Variants in PEPD observed in about 807,000 individuals in gnomAD.
PEPD encodes the protein peptidase D.
In PEPD, 53 loss-of-function variants were observed where a neutral mutation model predicts 60.7. That is an observed-to-expected ratio of 0.87 (90% confidence interval 0.70 to 1.10). PEPD has a LOEUF of 1.10. Among genes scored for constraint, PEPD ranks in the 50% least tolerant of loss-of-function variants. PEPD has a pLI of 0.00. For missense variants in PEPD, 711 were observed against 711.9 expected (o/e 1.00, Z 0.01); for synonymous variants, 267 against 284.1 (o/e 0.94, Z 0.60).
chr19:33,401,868 G>A lies in PEPD; in HGVS notation c.820C>T (p.Leu274=). 6.2e-7 allele frequency: 1 copy of A among 1,613,020 alleles called. No homozygotes were observed. The highest frequency in any genetic ancestry group is 8.5e-7 in the Non-Finnish European group (1 of 1,179,890). ...DRTIQNGDMC[L]FDMGGEYYCF... is the part of the protein sequence containing the mutation. ...TAATACTCACCGCCCATGTCGAACA[G>A]GCTGCGGAGAGAGGAAGGCAGGGCA... The change falls in exon 12 of 15, where the codon CTG becomes TTG. Residue 274 remains leucine, a splice_region_variant and synonymous_variant. Transcript: ENST00000244137.
chr19:33,519,969 A>C (rs1971100483), intron 1 of PEPD, among the ~76,000 whole-genome samples: 1 of 152,028 alleles, frequency 6.6e-6, no homozygotes, highest in African/African-American at 2.4e-5. Context: ...CAGGAGGCTG[A>C]GGCAGAAGAC....
chr19:33,400,972 G>A (rs1968474426), intron 12 of PEPD, among the ~76,000 whole-genome samples: 2 of 152,172 alleles, frequency 1.3e-5, no homozygotes, highest in Non-Finnish European at 2.9e-5. Context: ...GCCTTGTTGG[G>A]AGGATGCTGG....
intron 9 of PEPD, among the ~76,000 whole-genome samples, chr19:33,454,944 AAACT>A (rs1969769415): frequency 3.3e-5 from 5 of 152,222 alleles, no homozygotes; most frequent in Admixed American, 3.3e-4. Flanking sequence ...GCTGAAAGAA[AAACT>A]AAAATTGAAA....
chr19:33,459,102 C>T (rs1005945648), intron 9 of PEPD, among the ~76,000 whole-genome samples: 3 of 152,046 alleles, frequency 2.0e-5, no homozygotes, highest in South Asian at 2.1e-4. Context: ...TGAGGGCTGT[C>T]GCCTGTGGCA....
chr19:33,513,185 GC>G (rs770593787), intron 1 of PEPD, among the ~76,000 whole-genome samples: 24 of 152,184 alleles, frequency 1.6e-4, no homozygotes, highest in Admixed American at 1.1e-3. Context: ...TACCAGGCAG[GC>G]CCCTGGCTCC....
In PEPD at chr19:33,401,730, T is replaced by C. The variant is rs1402204339; in HGVS notation, c.958A>G (p.Met320Val). The change falls in exon 12 of 15, where the codon ATG becomes GTG. Residue 320 changes from methionine to valine, a missense_variant. By Grantham distance (21) the Met-to-Val change is conservative. Coordinates refer to ENST00000244137, the MANE Select transcript of PEPD (RefSeq NM_000285.4). ...CCGACCCGCTGCTCACCTGGCTTCATGGCACCCATGACGGCACGGGAGCTC... is the reference window on the plus strand; with the variant it reads ...CCGACCCGCTGCTCACCTGGCTTCACGGCACCCATGACGGCACGGGAGCTC... ...LRSSRAVMGA[M>V]KPGVWWPDMH... The C allele has an allele frequency of 1.2e-6, 2 of 1,607,800 alleles. No individual in the cohort carries two copies. Among genetic ancestry groups the C allele is most frequent in the Admixed American group, 1.7e-5 (1 of 59,394 alleles).
At chr19:33,402,333 C>A (rs919413944) in intron 11 of PEPD, among the ~76,000 whole-genome samples, 1 of 152,224 alleles carries the variant, frequency 6.6e-6, no homozygotes, top group African/African-American at 2.4e-5. Flanking sequence ...AGGCTGAGGC[C>A]GTGCTTGTGG....
chr19:33,419,825 C>G (rs550408783), intron 9 of PEPD, among the ~76,000 whole-genome samples: 1 of 151,902 alleles, frequency 6.6e-6, no homozygotes, highest in Non-Finnish European at 1.5e-5. Context: ...GAAGGAGCCC[C>G]AGGCCAGCCG....
intron 9 of PEPD, among the ~76,000 whole-genome samples, chr19:33,440,698 C>T (rs1323515545): frequency 6.6e-6 from 1 of 152,170 alleles, no homozygotes; most frequent in Non-Finnish European, 1.5e-5. Context: ...CTGCCGTCCC[C>T]GCTTTTATTT....
At chr19:33,417,355 G>A (rs1476736027) in intron 9 of PEPD, among the ~76,000 whole-genome samples, 1 of 152,188 alleles carries the variant, frequency 6.6e-6, no homozygotes, top group African/African-American at 2.4e-5. Context: ...CTGGGCAGAG[G>A]GCTTAGGAAA....
intron 4 of PEPD, among the ~76,000 whole-genome samples, chr19:33,494,242 C>T (rs907737284): frequency 3.9e-5 from 6 of 152,192 alleles, no homozygotes; most frequent in East Asian, 3.9e-4. Context: ...CCACAGCCCT[C>T]GCCTCTCCCC....
At chr19:33,477,539 G>C (rs1970240260) in intron 7 of PEPD, among the ~76,000 whole-genome samples, 1 of 152,242 alleles carries the variant, frequency 6.6e-6, no homozygotes, top group Non-Finnish European at 1.5e-5. Flanking sequence ...GCCCACAGAG[G>C]TGGCGCCCAG....
chr19:33,393,457 G>C (rs1020616979), intron 12 of PEPD, among the ~76,000 whole-genome samples: 4 of 147,574 alleles, frequency 2.7e-5, no homozygotes, highest in Middle Eastern at 6.8e-3. Context: ...AGGACACCTG[G>C]ATAACTGCAG....
chr19:33,505,421 G>A (rs957822578), intron 3 of PEPD, among the ~76,000 whole-genome samples: 1 of 152,074 alleles, frequency 6.6e-6, no homozygotes, highest in African/African-American at 2.4e-5. Flanking sequence ...AGGGAACAGC[G>A]CTGCCCGGGA....
In PEPD at chr19:33,518,910, G is replaced by A. The variant is rs146290432; in HGVS notation, c.17+2834C>T. The stretch of plus-strand genomic sequence containing the variant: ...AGGGCTGGGAAAGGCTTCTGGGAAA[G>A]GGAACCATCTGAGCTGGGCCTGCAA... On this transcript the variant is annotated intron_variant, in intron 1 of 14. Transcript: ENST00000244137. 3.0e-3 allele frequency among the ~76,000 whole-genome samples: 452 copies of A among 152,310 alleles called. 1 individual carries two copies. Among genetic ancestry groups the A allele is most frequent in the Middle Eastern group, 0.01 (3 of 294 alleles).
At chr19:33,463,223 T>C (rs1304856171) in intron 8 of PEPD, among the ~76,000 whole-genome samples, 182 bp from the exon 9 acceptor site, 4 of 152,198 alleles carry the variant, frequency 2.6e-5, no homozygotes, top group African/African-American at 9.7e-5. Flanking sequence ...CCAAAATCCA[T>C]ACAGTTTATT....
At chr19:33,410,010 G>C (rs1052780784) in intron 11 of PEPD, among the ~76,000 whole-genome samples, 6 of 152,218 alleles carry the variant, frequency 3.9e-5, no homozygotes, top group Admixed American at 3.3e-4. Flanking sequence ...TCCCAGCCCC[G>C]AGCACGGTGG....
intron 7 of PEPD, among the ~76,000 whole-genome samples, chr19:33,468,029 C>T (rs1444858612): frequency 6.6e-6 from 1 of 152,108 alleles, no homozygotes; most frequent in African/African-American, 2.4e-5. Flanking sequence ...AGGAGGGCTG[C>T]TAAGAGCAGG....
chr19:33,512,508 T>A, intron 2 of PEPD, 85 bp downstream of exon 2: 1 of 1,363,124 alleles, frequency 7.3e-7, no homozygotes, highest in Non-Finnish European at 1.0e-6. Context: ...GGGGCAGCAC[T>A]GGCCAAGCTG....
Sources: gnomAD v4.1 joint callset for allele counts (sites outside exome capture counted in the v4.1 genomes callset) on GRCh38, gnomAD v4.1.1 for gene constraint, MANE v1.5 for transcripts, NCBI Gene and HGNC (gene_info 2026-07-23, HGNC 2026-07-21) for gene names.